SH3RF3: variants seen among roughly 807,000 people sequenced by gnomAD.
SH3RF3 encodes SH3 domain containing ring finger 3.
A neutral mutation model predicts 66.3 loss-of-function variants in SH3RF3; 29 were observed. That is an observed-to-expected ratio of 0.44 (90% CI 0.33 to 0.60). SH3RF3 has a LOEUF of 0.60. SH3RF3 is among the 20% of genes least tolerant of loss of function. The probability of loss-of-function intolerance (pLI) is 0.04; values close to 1 mark genes in which losing one functional copy is unlikely to be tolerated. For synonymous variants in SH3RF3, 583 were observed against 532.0 expected (o/e 1.10, Z -1.32); for missense variants, 1,194 against 1,190.9 (o/e 1.00, Z -0.04).
chr2:109,473,081 C>T lies in SH3RF3; in HGVS notation c.2149-17524C>T, dbSNP rs376468987. Among the ~76,000 whole-genome samples the T allele has an allele frequency of 1.2e-4, 18 of 152,326 alleles. No homozygotes were observed. In the East Asian group the frequency reaches 3.1e-3, roughly 26 times the overall value. The stretch of plus-strand genomic sequence containing the variant: ...GTTGCAGCCTTTCAGATGCGAGTCC[C>T]AAGAATCTAAAGAGAACTGACAGCC... On this transcript the variant is annotated intron_variant, in intron 8 of 9. Coordinates refer to ENST00000309415, the MANE Select transcript of SH3RF3 (RefSeq NM_001099289.3).
chr2:109,153,958 G>A (rs1292570511), intron 1 of SH3RF3, among the ~76,000 whole-genome samples: 4 of 152,220 alleles, frequency 2.6e-5, no homozygotes, highest in Admixed American at 2.0e-4. Context: ...ATTTCATTAC[G>A]TGACCACAGA....
intron 1 of SH3RF3, among the ~76,000 whole-genome samples, chr2:109,339,241 C>A (rs1204508425): frequency 7.0e-6 from 1 of 143,040 alleles, no homozygotes; most frequent in Non-Finnish European, 1.5e-5. Flanking sequence ...TAGACCCTTG[C>A]AGTTTAAACC....
At chr2:109,249,532 T>TTCCTTCCTTCCTTCC (rs1680019399) in intron 1 of SH3RF3, among the ~76,000 whole-genome samples, 1 of 96,450 alleles carries the variant, frequency 1.0e-5, no homozygotes, top group Admixed American at 1.1e-4. Flanking sequence ...TCTTTCTTTC[T>TTCCTTCCTTCCTTCC]TTCCTTCCTT....
At chr2:109,438,485 G>A (rs969726369) in intron 7 of SH3RF3, among the ~76,000 whole-genome samples, 4 of 152,116 alleles carry the variant, frequency 2.6e-5, no homozygotes, top group Non-Finnish European at 5.9e-5. Flanking sequence ...GTGGTCTGAG[G>A]ACTACCCTGG....
At chr2:109,170,201 TTTTC>T (rs1441751119) in intron 1 of SH3RF3, among the ~76,000 whole-genome samples, 24 of 151,758 alleles carry the variant, frequency 1.6e-4, no homozygotes, top group African/African-American at 5.6e-4. Context: ...GAACGAGATG[TTTTC>T]TTTCTCTCTC....
At chr2:109,228,056 C>T (rs577610415) in intron 1 of SH3RF3, among the ~76,000 whole-genome samples, 3 of 152,168 alleles carry the variant, frequency 2.0e-5, no homozygotes, top group Non-Finnish European at 4.4e-5. Context: ...GATGCCCAGA[C>T]ACAGGTACGA....
At chr2:109,160,786 G>A (rs1458390462) in intron 1 of SH3RF3, among the ~76,000 whole-genome samples, 2 of 152,188 alleles carry the variant, frequency 1.3e-5, no homozygotes, top group African/African-American at 4.8e-5. Context: ...ACATCCCCAG[G>A]GGCTGAGGCG....
intron 8 of SH3RF3, among the ~76,000 whole-genome samples, chr2:109,458,681 C>G (rs564979507): frequency 6.6e-6 from 1 of 152,128 alleles, no homozygotes; most frequent in South Asian, 2.1e-4. Context: ...AGGCTGGACC[C>G]TCAGTCAGGA....
chr2:109,397,359 T>C (rs1676177727), intron 3 of SH3RF3, among the ~76,000 whole-genome samples: 1 of 152,204 alleles, frequency 6.6e-6, no homozygotes, highest in Non-Finnish European at 1.5e-5. Flanking sequence ...TTACCCAGCC[T>C]GATGGCATTT....
At chr2:109,330,519 A>G (rs1044738297) in intron 1 of SH3RF3, among the ~76,000 whole-genome samples, 1 of 152,080 alleles carries the variant, frequency 6.6e-6, no homozygotes, top group Admixed American at 6.5e-5. Context: ...CCCCCCTTGT[A>G]TTGTTAGATG....
intron 3 of SH3RF3, among the ~76,000 whole-genome samples, chr2:109,378,719 G>A (rs1683445574): frequency 6.6e-6 from 1 of 152,156 alleles, no homozygotes; most frequent in Non-Finnish European, 1.5e-5. Context: ...TTTCTCTACT[G>A]CTGAGGCTAT....
chr2:109,226,488 A>G (rs1420095953), intron 1 of SH3RF3, among the ~76,000 whole-genome samples: 1 of 152,230 alleles, frequency 6.6e-6, no homozygotes, highest in Admixed American at 6.5e-5. Context: ...CTCTTAAGAC[A>G]TAAACCAAAA....
chr2:109,288,124 A>G (rs1681078873), intron 1 of SH3RF3, among the ~76,000 whole-genome samples: 1 of 152,238 alleles, frequency 6.6e-6, no homozygotes, highest in African/African-American at 2.4e-5. Flanking sequence ...AGACAAGGCT[A>G]TCAGGAAAAT....
chr2:109,380,645 G>A (rs934598528), intron 3 of SH3RF3, among the ~76,000 whole-genome samples: 5 of 152,172 alleles, frequency 3.3e-5, no homozygotes, highest in African/African-American at 1.2e-4. Context: ...AGCCTGAGTG[G>A]CTCAGTCATC....
At chr2:109,202,044 C>G (rs560991126) in intron 1 of SH3RF3, among the ~76,000 whole-genome samples, 2 of 152,342 alleles carry the variant, frequency 1.3e-5, no homozygotes, top group East Asian at 1.9e-4. Context: ...GCCTTGGAGC[C>G]TGGCTGGGTC....
At chr2:109,485,280 G>T (rs1335761268) in intron 8 of SH3RF3, among the ~76,000 whole-genome samples, 1 of 152,208 alleles carries the variant, frequency 6.6e-6, no homozygotes, top group Non-Finnish European at 1.5e-5. Flanking sequence ...AATCAAGAAG[G>T]TAACTGAATA....
intron 3 of SH3RF3, among the ~76,000 whole-genome samples, chr2:109,384,577 C>T (rs1239568551): frequency 6.6e-6 from 1 of 152,144 alleles, no homozygotes; most frequent in African/African-American, 2.4e-5. Flanking sequence ...TTGGCATCTG[C>T]TCTGCATTTG....
At chr2:109,267,374 C>T (rs1055042329) in intron 1 of SH3RF3, among the ~76,000 whole-genome samples, 2 of 152,146 alleles carry the variant, frequency 1.3e-5, no homozygotes, top group Middle Eastern at 3.2e-3. Flanking sequence ...GATCACTGTG[C>T]GCTTTGTACA....
rs550162603 is a variant in SH3RF3, at chr2:109,452,571, C to T, written c.2148+3082C>T. On this transcript the variant is annotated intron_variant, in intron 8 of 9. Transcript: ENST00000309415. ...AGGCAGGGTGGATACAGCTCCTGGG[C>T]GCCGTAGAGTAGGGAGTAATTTTCT... 5.8e-4 allele frequency among the ~76,000 whole-genome samples: 89 copies of T among 152,272 alleles called. 1 individual carries two copies. Among genetic ancestry groups the T allele is most frequent in the South Asian group, 1.9e-3 (9 of 4,822 alleles).
Sources: gnomAD v4.1 joint callset for allele counts (sites outside exome capture counted in the v4.1 genomes callset) on GRCh38, gnomAD v4.1.1 for gene constraint, MANE v1.5 for transcripts, NCBI Gene and HGNC (gene_info 2026-07-23, HGNC 2026-07-21) for gene names.